PPIG: variants seen among roughly 807,000 people sequenced by gnomAD.
PPIG encodes peptidylprolyl isomerase G.
In PPIG, 26 loss-of-function variants were observed where a neutral mutation model predicts 87.9. The observed-to-expected ratio is 0.30, with a 90% CI of 0.22 to 0.41. The LOEUF (loss-of-function observed/expected upper bound fraction) is 0.41, where lower values mean the gene tolerates loss of function less well. PPIG is among the 10% of genes least tolerant of loss of function. PPIG has a pLI of 1.00. For synonymous variants in PPIG, 308 were observed against 276.5 expected, an observed-to-expected ratio of 1.11 and a Z score of -1.13; for missense variants, 722 against 879.4, an observed-to-expected ratio of 0.82 and a Z score of 2.26.
intron 1 of PPIG, among the ~76,000 whole-genome samples, chr2:169,591,853 A>T (rs1297187208): frequency 6.6e-6 from 1 of 151,918 alleles, no homozygotes; most frequent in South Asian, 2.1e-4. Context: ...GCAGCAAACA[A>T]ATCACCCACA....
At chr2:169,620,360 G>A (rs76839723) in intron 9 of PPIG, among the ~76,000 whole-genome samples, 1,530 of 151,748 alleles carry the variant, frequency 0.01, 18 homozygotes, top group Non-Finnish European at 0.015. Context: ...TGTGTTCTTG[G>A]CAATTTTGTT....
At position 169,637,516 on chromosome 2, in the gene PPIG, G is replaced by A. The variant is rs753952518; in HGVS notation, c.2258G>A (p.Ser753Asn). 1.2e-5 allele frequency: 19 copies of A among 1,569,722 alleles called. No homozygotes were observed. The highest frequency in any genetic ancestry group is 2.4e-5 in the South Asian group (2 of 82,454). The change falls in exon 14 of 14, where the codon AGC (serine) becomes AAC (asparagine). Residue 753 changes from serine (S) to asparagine (N), a missense_variant. This residue lies in a region of PPIG where 476 missense variants were observed against 483.1 expected (regional missense o/e 0.99). Transcript: ENST00000260970. ...AGCCCTGGAACAGATGAAGACAAAA[G>A]CGGATGAGTGAGTTATATAAACTTA... ...ESSPGTDEDKSG is the reference protein window; with the variant it reads ...ESSPGTDEDKNG
intron 6 of PPIG, 27 bp from the exon 7 acceptor site, chr2:169,608,639 ATAATG>A (rs1559180784): frequency 4.7e-6 from 7 of 1,476,772 alleles, no homozygotes; most frequent in Non-Finnish European, 6.6e-6. Context: ...GGTTATATCT[ATAATG>A]TAACTGAAAA....
At chr2:169,599,045 T>C (rs1243196183) in intron 1 of PPIG, among the ~76,000 whole-genome samples, 1 of 152,100 alleles carries the variant, frequency 6.6e-6, no homozygotes, top group Admixed American at 6.6e-5. Context: ...TTTGCGAATG[T>C]GTAAGGATGT....
intron 5 of PPIG, 22 bp downstream of exon 5, chr2:169,606,168 T>C (rs1685318698): frequency 6.6e-7 from 1 of 1,508,588 alleles, no homozygotes; most frequent in Admixed American, 1.7e-5. Context: ...AAAAATCATG[T>C]ATTATTTTCT....
Sources: allele counts gnomAD v4.1 joint callset (sites outside exome capture counted in the v4.1 genomes callset), GRCh38; gene constraint gnomAD v4.1.1; regional missense constraint gnomAD v4.1.1; transcripts MANE v1.5; gene names NCBI Gene and HGNC (gene_info 2026-07-23, HGNC 2026-07-21).